RNF150: variants seen among roughly 807,000 people sequenced by gnomAD.
RNF150 encodes the protein ring finger protein 150.
In RNF150, 24 loss-of-function variants were observed where a neutral mutation model predicts 39.3. That is an observed-to-expected ratio of 0.61 (90% confidence interval 0.44 to 0.86). RNF150 has a LOEUF of 0.86. RNF150 is among the 40% of genes least tolerant of loss of function. The probability of loss-of-function intolerance (pLI) is 0.00; values close to 1 mark genes in which losing one functional copy is unlikely to be tolerated. For missense variants in RNF150, 502 were observed against 587.8 expected (o/e 0.85, Z 1.51); for synonymous variants, 255 against 227.3 (o/e 1.12, Z -1.10).
intron 1 of RNF150, among the ~76,000 whole-genome samples, chr4:141,008,407 A>T (rs72722400): frequency 6.6e-6 from 1 of 152,252 alleles, no homozygotes; most frequent in Non-Finnish European, 1.5e-5. Context: ...CTTTGAATGA[A>T]CATTTTCAAT....
intron 4 of RNF150, among the ~76,000 whole-genome samples, chr4:140,938,107 A>AT (rs907153756): frequency 5.3e-5 from 8 of 151,168 alleles, no homozygotes; most frequent in East Asian, 1.9e-4. Context: ...TTCTGTAAAC[A>AT]TTTTTTTTTA....
At chr4:140,989,431 T>A (rs1734120622) in intron 1 of RNF150, among the ~76,000 whole-genome samples, 1 of 151,896 alleles carries the variant, frequency 6.6e-6, no homozygotes, top group Non-Finnish European at 1.5e-5. Flanking sequence ...CAAAAAGCAC[T>A]CCCCAAGTTC....
chr4:140,925,346 A>G (rs190149499), intron 5 of RNF150, among the ~76,000 whole-genome samples: 1 of 152,190 alleles, frequency 6.6e-6, no homozygotes, highest in Non-Finnish European at 1.5e-5. Context: ...TTCTCTTTGT[A>G]CAGGGGAGAG....
At chr4:141,000,001 AGAAGAAGAAG>A (rs1189128510) in intron 1 of RNF150, among the ~76,000 whole-genome samples, 3 of 30,358 alleles carry the variant, frequency 9.9e-5, no homozygotes, top group Non-Finnish European at 1.4e-4. Context: ...GAAAAGAAGA[AGAAGAAGAAG>A]AAGAAGAAGA....
chr4:140,934,837 C>T (rs1236435883), intron 4 of RNF150, among the ~76,000 whole-genome samples: 1 of 151,424 alleles, frequency 6.6e-6, no homozygotes, highest in Non-Finnish European at 1.5e-5. Context: ...CTGGGACCAA[C>T]TTCTTTGAGT....
intron 1 of RNF150, among the ~76,000 whole-genome samples, chr4:141,003,098 A>G (rs549569541): frequency 6.6e-6 from 1 of 152,222 alleles, no homozygotes; most frequent in African/African-American, 2.4e-5. Context: ...CCTGATAAAG[A>G]TATTTCTTGA....
At chr4:141,128,155 T>G (rs1043768036) in intron 1 of RNF150, among the ~76,000 whole-genome samples, 5 of 152,180 alleles carry the variant, frequency 3.3e-5, no homozygotes, top group African/African-American at 1.2e-4. Flanking sequence ...GGTATGATGA[T>G]CCAGTGTGTA....
chr4:141,017,962 T>C (rs746418925), intron 1 of RNF150, among the ~76,000 whole-genome samples: 14 of 152,196 alleles, frequency 9.2e-5, no homozygotes, highest in Non-Finnish European at 2.1e-4. Context: ...GCTGTAAACA[T>C]CTGTGTGAAG....
chr4:141,195,946 G>C (rs1728194307), intron 1 of RNF150, among the ~76,000 whole-genome samples: 1 of 152,134 alleles, frequency 6.6e-6, no homozygotes, highest in Non-Finnish European at 1.5e-5. Flanking sequence ...CAGCAGAAAG[G>C]GGGCATGTGG....
chr4:141,043,546 C>T (rs1252463010), intron 1 of RNF150, among the ~76,000 whole-genome samples: 1 of 152,044 alleles, frequency 6.6e-6, no homozygotes, highest in African/African-American at 2.4e-5. Flanking sequence ...TATAGGGAGA[C>T]TAAAAAAATG....
intron 1 of RNF150, among the ~76,000 whole-genome samples, chr4:141,000,026 G>GAAAAGAAGAA (rs1560679079): frequency 7.1e-4 from 23 of 32,324 alleles, no homozygotes; most frequent in Non-Finnish European, 1.1e-3. Flanking sequence ...AGAAGAAGAA[G>GAAAAGAAGAA]AAGAAGAAGA....
chr4:141,009,614 A>G (rs919274137), intron 1 of RNF150, among the ~76,000 whole-genome samples: 1 of 152,198 alleles, frequency 6.6e-6, no homozygotes, highest in Non-Finnish European at 1.5e-5. Context: ...AATGTTAGTT[A>G]TTATTATTTT....
chr4:140,869,611 G>T lies in RNF150; in HGVS notation c.1199-1232C>A, dbSNP rs533577068. Reference sequence around the variant, plus strand: ...AGGCAATTACAACACAGTGAGATAAGCACCAGGATGGAAGATGTACCAGGT... The same window carrying T: ...AGGCAATTACAACACAGTGAGATAATCACCAGGATGGAAGATGTACCAGGT... On this transcript the variant is annotated intron_variant, in intron 6 of 6. Coordinates refer to ENST00000515673, the MANE Select transcript of RNF150 (RefSeq NM_020724.2). Among the ~76,000 whole-genome samples the T allele has an allele frequency of 5.3e-5, 8 of 152,306 alleles. No homozygotes were observed. In the South Asian group the frequency reaches 1.7e-3, roughly 32 times the overall value.
At position 140,967,766 on chromosome 4, in the gene RNF150, G is replaced by A. The variant is rs377573844; in HGVS notation, c.592C>T (p.Arg198Trp). The A allele has an allele frequency of 5.0e-6, 8 of 1,613,342 alleles. No homozygotes were observed. The highest frequency in any genetic ancestry group is 1.7e-5 in the Admixed American group (1 of 59,926). The change falls in exon 2 of 7, where the codon CGG becomes TGG. Residue 198 changes from arginine (R) to tryptophan (W), a missense_variant. By Grantham distance (101) the Arg-to-Trp change is moderately radical. Coordinates refer to ENST00000515673, the MANE Select transcript of RNF150 (RefSeq NM_020724.2). ...CGGCTCACATATTTCTGCAAGTTCCGGGTTCCGATGGTGATGTACATTGTC... is the reference window on the plus strand; with the variant it reads ...CGGCTCACATATTTCTGCAAGTTCCAGGTTCCGATGGTGATGTACATTGTC... ...TVTMYITIGT[R>W]NLQKYVSRTS...
At chr4:141,105,378 G>C (rs1273884465) in intron 1 of RNF150, among the ~76,000 whole-genome samples, 1 of 152,156 alleles carries the variant, frequency 6.6e-6, no homozygotes, top group African/African-American at 2.4e-5. Flanking sequence ...CAGCACCTCA[G>C]CCTCTTGACC....
intron 6 of RNF150, among the ~76,000 whole-genome samples, chr4:140,890,026 T>A (rs1412372180): frequency 6.6e-6 from 1 of 152,116 alleles, no homozygotes; most frequent in Non-Finnish European, 1.5e-5. Context: ...ACCCCCACAT[T>A]AGCTCCTTTT....
At chr4:141,165,661 A>C (rs1218154283) in intron 1 of RNF150, among the ~76,000 whole-genome samples, 1 of 152,184 alleles carries the variant, frequency 6.6e-6, no homozygotes, top group African/African-American at 2.4e-5. Flanking sequence ...AAACCACACA[A>C]CTACATGGAA....
In RNF150 at chr4:140,983,512, G is replaced by A. The variant is rs895669499; in HGVS notation, c.485-15639C>T. 5.9e-5 allele frequency among the ~76,000 whole-genome samples: 9 copies of A among 152,112 alleles called. No homozygotes were observed. The South Asian group carries it at 1.0e-3, about 18-fold the overall frequency. On this transcript the variant is annotated intron_variant, in intron 1 of 6. Coordinates refer to ENST00000515673, the MANE Select transcript of RNF150 (RefSeq NM_020724.2). ...ATTTATACCATAGAGCAAAGAATAA[G>A]CAAAAATAATACAGTGTATAATGCA...
At chr4:141,105,288 TC>T (rs929289889) in intron 1 of RNF150, among the ~76,000 whole-genome samples, 3 of 152,150 alleles carry the variant, frequency 2.0e-5, no homozygotes, top group Non-Finnish European at 4.4e-5. Context: ...ACAGAAAACT[TC>T]CCAAATTAGG....
Sources: gnomAD v4.1 joint callset for allele counts (sites outside exome capture counted in the v4.1 genomes callset) on GRCh38, gnomAD v4.1.1 for gene constraint, MANE v1.5 for transcripts, NCBI Gene and HGNC (gene_info 2026-07-23, HGNC 2026-07-21) for gene names.